Variants in FNDC3B observed in about 807,000 individuals in gnomAD.
FNDC3B encodes fibronectin type III domain containing 3B.
In FNDC3B, 12 loss-of-function variants were observed where a neutral mutation model predicts 151.5. The observed-to-expected ratio is 0.08, with a 90% confidence interval of 0.05 to 0.13. The LOEUF is 0.13. Ranked by LOEUF, FNDC3B falls within the 10% of genes least tolerant of loss-of-function variation. The pLI, the probability that FNDC3B is intolerant of heterozygous loss-of-function variation, is 1.00. For missense variants in FNDC3B, 1,214 were observed against 1,505.3 expected (o/e 0.81, Z 3.20); for synonymous variants, 528 against 549.0 (o/e 0.96, Z 0.54).
rs11459544 is a variant in FNDC3B at position 172,068,423 on chromosome 3, C to CTTT, written c.-29+28668_-29+28670dup. Among the ~76,000 whole-genome samples, 522 of 122,546 alleles carry CTTT rather than the reference C, an allele frequency of 4.3e-3. 17 individuals carry two copies. The highest frequency in any genetic ancestry group is 0.012 in the African/African-American group (385 of 33,192). 80.4% of individuals were successfully genotyped at this position (122,546 alleles called of 152,430 possible). On this transcript the variant is annotated intron_variant, in intron 1 of 25. Coordinates refer to ENST00000415807, the MANE Select transcript of FNDC3B (RefSeq NM_022763.4). ...AGTATTTGGACACTTTGTGAGGAGC[C>CTTT]TTTTTTTTTTTTTTTTTTGAGATGG... is the stretch of plus-strand genomic sequence containing the variant.
At chr3:172,176,082 T>A (rs1330244273) in intron 3 of FNDC3B, among the ~76,000 whole-genome samples, 1 of 152,236 alleles carries the variant, frequency 6.6e-6, no homozygotes, top group Non-Finnish European at 1.5e-5. Context: ...CCCAAACCAG[T>A]TCCAAGCCAG....
chr3:172,200,002 TATTCATTCATTCATTC>T (rs1238059887), intron 3 of FNDC3B, among the ~76,000 whole-genome samples: 2 of 150,754 alleles, frequency 1.3e-5, no homozygotes, highest in Non-Finnish European at 2.9e-5. Context: ...CAATACTTTG[TATTCATTCATTCATTC>T]ATTCATTCAT....
At position 172,212,689 on chromosome 3, in the gene FNDC3B, T is replaced by C. The variant is rs75842735; in HGVS notation, c.188-14182T>C. ...TTACTCTAGAAGGAAGCACAGAAAT[T>C]ATCAGGTTTCTTCTCTTTTACTTTG... On this transcript the variant is annotated intron_variant, in intron 3 of 25. Coordinates refer to ENST00000415807, the MANE Select transcript of FNDC3B (RefSeq NM_022763.4). Among the ~76,000 whole-genome samples the C allele has an allele frequency of 8.4e-3, 1,279 of 152,292 alleles. 5 individuals are homozygous for C. The highest frequency in any genetic ancestry group is 0.014 in the Non-Finnish European group (959 of 68,018).
At chr3:172,242,496 G>A (rs1167742391) in intron 4 of FNDC3B, among the ~76,000 whole-genome samples, 2 of 152,294 alleles carry the variant, frequency 1.3e-5, no homozygotes, top group East Asian at 1.9e-4. Flanking sequence ...CTGTGCACCC[G>A]CAGGCTCAAC....
chr3:172,083,440 A>C (rs1445919330), intron 1 of FNDC3B, among the ~76,000 whole-genome samples: 1 of 152,202 alleles, frequency 6.6e-6, no homozygotes, highest in Non-Finnish European at 1.5e-5. Context: ...TCTTTGTTCC[A>C]AGGGGGAAGA....
At chr3:172,267,699 C>T (rs1560048252) in intron 6 of FNDC3B, among the ~76,000 whole-genome samples, 1 of 152,142 alleles carries the variant, frequency 6.6e-6, no homozygotes, top group Non-Finnish European at 1.5e-5. Context: ...TGATTTGGAA[C>T]ATATATTTTC....
chr3:172,132,808 G>A (rs1294800253), intron 2 of FNDC3B, among the ~76,000 whole-genome samples: 1 of 152,150 alleles, frequency 6.6e-6, no homozygotes, highest in Non-Finnish European at 1.5e-5. Flanking sequence ...AAAACTATAA[G>A]GCTGTTGACA....
intron 3 of FNDC3B, among the ~76,000 whole-genome samples, chr3:172,188,956 C>A (rs937523800): frequency 1.3e-5 from 2 of 152,144 alleles, no homozygotes; most frequent in Non-Finnish European, 2.9e-5. Context: ...ATTGTTTTAT[C>A]CTTGCTTGGG....
intron 23 of FNDC3B, among the ~76,000 whole-genome samples, chr3:172,375,156 T>C (rs1228213546): frequency 6.6e-6 from 1 of 152,212 alleles, no homozygotes; most frequent in Admixed American, 6.5e-5. Flanking sequence ...TTTTTAATAA[T>C]GTGCCAACTT....
chr3:172,152,141 A>G (rs1055671888), intron 3 of FNDC3B, among the ~76,000 whole-genome samples: 6 of 152,190 alleles, frequency 3.9e-5, no homozygotes, highest in Admixed American at 1.3e-4. Flanking sequence ...CTAAGTACCT[A>G]TATAACATTT....
rs192553061 is a variant in FNDC3B at position 172,094,312 on chromosome 3, C to T, written c.-28-18140C>T. Reference sequence around the variant, plus strand: ...ACCTCATAGCCGTTGGCAGTTGCTTCCCACCGTCAACCCCAGCCCCAAGCA... The same window carrying T: ...ACCTCATAGCCGTTGGCAGTTGCTTTCCACCGTCAACCCCAGCCCCAAGCA... On this transcript the variant is annotated intron_variant, in intron 1 of 25. Coordinates refer to ENST00000415807, the MANE Select transcript of FNDC3B (RefSeq NM_022763.4). Among the ~76,000 whole-genome samples, 3 of 152,338 alleles carry T rather than the reference C, an allele frequency of 2.0e-5. No homozygotes were observed. The East Asian group carries it at 5.8e-4, about 29-fold the overall frequency.
At chr3:172,329,228 G>C (rs1339833492) in intron 12 of FNDC3B, 152 bp downstream of exon 12, 1 of 898,470 alleles carries the variant, frequency 1.1e-6, no homozygotes, top group Non-Finnish European at 1.7e-6. Flanking sequence ...GAGGAGAGAA[G>C]GCCTCCTTTA....
At chr3:172,118,223 T>C (rs1720359318) in intron 2 of FNDC3B, among the ~76,000 whole-genome samples, 1 of 152,256 alleles carries the variant, frequency 6.6e-6, no homozygotes, top group Non-Finnish European at 1.5e-5. Context: ...GTCTTTTCCA[T>C]CAAATGTGCC....
intron 1 of FNDC3B, among the ~76,000 whole-genome samples, chr3:172,107,436 C>T (rs927593960): frequency 6.6e-6 from 1 of 151,826 alleles, no homozygotes; most frequent in African/African-American, 2.4e-5. Flanking sequence ...TAGTTGATTT[C>T]AAGAATGGAT....
intron 1 of FNDC3B, among the ~76,000 whole-genome samples, chr3:172,084,292 A>G (rs1718434419): frequency 6.6e-6 from 1 of 152,070 alleles, no homozygotes; most frequent in African/African-American, 2.4e-5. Context: ...CTACAAAAAA[A>G]TAAAAAAAAT....
intron 1 of FNDC3B, among the ~76,000 whole-genome samples, chr3:172,043,059 C>G (rs1019598817): frequency 6.6e-6 from 1 of 152,072 alleles, no homozygotes; most frequent in Non-Finnish European, 1.5e-5. Context: ...GGATTACAGG[C>G]GCTTGCCACC....
intron 12 of FNDC3B, chr3:172,329,409 G>A (rs752480601): frequency 2.7e-5 from 6 of 224,452 alleles, no homozygotes; most frequent in Admixed American, 5.7e-5. Flanking sequence ...ACTTTAGCAA[G>A]CTCTTCATTC....
chr3:172,086,274 T>G, intron 1 of FNDC3B, among the ~76,000 whole-genome samples: 1 of 151,992 alleles, frequency 6.6e-6, no homozygotes, highest in Non-Finnish European at 1.5e-5. Flanking sequence ...GTAGGAGGTT[T>G]GCTTGAGCTC....
Position 172,352,692 on chromosome 3 carries a change from C to A in FNDC3B, c.2515-111C>A. 1.9e-6 allele frequency: 2 copies of A among 1,043,184 alleles called. No individual in the cohort carries two copies. The highest frequency in any genetic ancestry group is 2.8e-6 in the Non-Finnish European group (2 of 723,752). 64.6% of individuals were successfully genotyped at this position (1,043,184 alleles called of 1,614,324 possible). A position where few individuals can be genotyped will look rare whatever the true frequency, so the allele number is the denominator to read the frequency against. On this transcript the variant is annotated intron_variant, in intron 21 of 25. Coordinates refer to ENST00000415807, the MANE Select transcript of FNDC3B (RefSeq NM_022763.4). This position sits in a 1 kb window ranked among gnomAD's most constrained non-coding sequence, Gnocchi z 4.2. ...ATTTTCTAGGATTTATTTCTACCTG[C>A]ATATGTGGAAATGTGTACTACTTTA...
Sources: gnomAD v4.1 joint callset for allele counts (sites outside exome capture counted in the v4.1 genomes callset) on GRCh38, gnomAD v4.1.1 for gene constraint, Gnocchi (gnomAD v3.1) non-coding constraint, MANE v1.5 for transcripts, NCBI Gene and HGNC (gene_info 2026-07-23, HGNC 2026-07-21) for gene names.